XIAP: variants seen among roughly 807,000 people sequenced by gnomAD.
The protein encoded by XIAP is E3 ubiquitin-protein ligase XIAP.
Under a neutral mutation model 33.1 loss-of-function variants are expected in XIAP, and 3 were observed. The observed-to-expected ratio is 0.09, with a 90% CI of 0.04 to 0.23. XIAP has a LOEUF of 0.23. XIAP is among the 10% of genes least tolerant of loss of function. The probability of loss-of-function intolerance (pLI) is 1.00; values close to 1 mark genes in which losing one functional copy is unlikely to be tolerated. For synonymous variants in XIAP, 98 were observed against 121.3 expected (o/e 0.81, Z 1.26); for missense variants, 264 against 363.0 (o/e 0.73, Z 2.22).
chrX:123,885,410 A>C (rs1477290363), intron 1 of XIAP, among the ~76,000 whole-genome samples: 1 of 112,280 alleles, frequency 8.9e-6, no homozygotes, highest in Non-Finnish European at 1.9e-5. Flanking sequence ...TGCCTGCTTA[A>C]ATATTACTTT....
chrX:123,868,385 A>C (rs914888709), intron 1 of XIAP, among the ~76,000 whole-genome samples: 2 of 110,885 alleles, frequency 1.8e-5, no homozygotes, highest in African/African-American at 6.6e-5. Context: ...ACCCATTATA[A>C]TAGTTTTTAA....
In XIAP at chrX:123,885,866, A is replaced by G. The variant is rs1373121118; in HGVS notation, c.204A>G (p.Ala68=). 1 of 1,210,433 alleles carries G rather than the reference A, an allele frequency of 8.3e-7. No individual in the cohort carries two copies. The highest frequency in any genetic ancestry group is 1.7e-5 in the African/African-American group (1 of 57,347). ...GDTVRCFSCH[A]AVDRWQYGDS... is the part of the protein sequence containing the mutation. Reference sequence around the variant, plus strand: ...CCGTGCGGTGCTTTAGTTGTCATGCAGCTGTAGATAGATGGCAATATGGAG... The same window carrying G: ...CCGTGCGGTGCTTTAGTTGTCATGCGGCTGTAGATAGATGGCAATATGGAG... The change falls in exon 2 of 7, where the codon GCA becomes GCG. Residue 68 remains alanine, a synonymous_variant. Coordinates refer to ENST00000371199, the MANE Select transcript of XIAP (RefSeq NM_001167.4).
intron 1 of XIAP, among the ~76,000 whole-genome samples, chrX:123,866,959 T>A (rs1255500719): frequency 9.8e-6 from 1 of 101,644 alleles, no homozygotes; most frequent in Non-Finnish European, 2.0e-5. Context: ...CCACCGTGCC[T>A]GGCCAGAGAT....
chrX:123,874,150 G>A (rs2053220757), intron 1 of XIAP, among the ~76,000 whole-genome samples: 1 of 111,816 alleles, frequency 8.9e-6, no homozygotes, highest in Admixed American at 9.6e-5. Flanking sequence ...CACAGAGGGA[G>A]GAAGCATTGT....
intron 1 of XIAP, among the ~76,000 whole-genome samples, chrX:123,881,683 A>G (rs1226022538): frequency 9.0e-6 from 1 of 110,843 alleles, no homozygotes; most frequent in Non-Finnish European, 1.9e-5. Context: ...TTTATCTAAT[A>G]TTTTCTGAAA....
At chrX:123,902,228 C>CTT (rs1236583790) in intron 6 of XIAP, among the ~76,000 whole-genome samples, 1 of 111,446 alleles carries the variant, frequency 9.0e-6, no homozygotes, top group Non-Finnish European at 1.9e-5. Context: ...GGGAGAGTGT[C>CTT]TTTTCTCTAT....
At chrX:123,884,330 C>A (rs774091941) in intron 1 of XIAP, among the ~76,000 whole-genome samples, 1 of 110,380 alleles carries the variant, frequency 9.1e-6, no homozygotes, top group Non-Finnish European at 1.9e-5. Context: ...CTAAAAAATA[C>A]AAAATTAGCC....
intron 6 of XIAP, among the ~76,000 whole-genome samples, chrX:123,904,150 A>G (rs1021148578): frequency 9.1e-6 from 1 of 110,151 alleles, no homozygotes; most frequent in African/African-American, 3.3e-5. Flanking sequence ...TTGCTCAGGC[A>G]GGTCTCGAAC....
Position 123,886,218 on chromosome X carries a change from A to T in XIAP, c.556A>T (p.Ser186Cys). 1 of 1,212,096 alleles carries T rather than the reference A, an allele frequency of 8.3e-7. No individual in the cohort carries two copies. The highest frequency in any genetic ancestry group is 1.1e-6 in the Non-Finnish European group (1 of 895,588). The change falls in exon 2 of 7, where the codon AGT becomes TGT. Residue 186 changes from serine (S) to cysteine (C), a missense_variant. By Grantham distance (112) the Ser-to-Cys change is moderately radical. Coordinates refer to ENST00000371199, the MANE Select transcript of XIAP (RefSeq NM_001167.4). ...TCACCTAACCCCAAGAGAGTTAGCA[A>T]GTGCTGGACTCTACTACACAGGTAT... ...YAHLTPRELA[S>C]AGLYYTGIGD...
chrX:123,875,317 G>A (rs570763666), intron 1 of XIAP, among the ~76,000 whole-genome samples: 5 of 110,968 alleles, frequency 4.5e-5, no homozygotes, highest in South Asian at 7.6e-4. Flanking sequence ...CACCGCGCCC[G>A]GCCTGATCAG....
chrX:123,885,139 C>A lies in XIAP; in HGVS notation c.-32-492C>A, dbSNP rs970933659. ...ATTGGAACCAATATTATGATTAAAA[C>A]ATATTTTGCTAAGCAAAGAGATATT... is the stretch of plus-strand genomic sequence containing the variant. On this transcript the variant is annotated intron_variant, in intron 1 of 6. Transcript: ENST00000371199. Among the ~76,000 whole-genome samples, 6 of 111,286 alleles carry A rather than the reference C, an allele frequency of 5.4e-5. No individual in the cohort carries two copies. The South Asian group carries it at 1.8e-3, about 34-fold the overall frequency.
At chrX:123,904,688 A>G (rs1250899752) in intron 6 of XIAP, among the ~76,000 whole-genome samples, 1 of 112,216 alleles carries the variant, frequency 8.9e-6, no homozygotes, top group Non-Finnish European at 1.9e-5. Flanking sequence ...GTGGCACACA[A>G]TCTCAGCTCA....
At chrX:123,860,401 G>A (rs991018044) in intron 1 of XIAP, 108 bp downstream of exon 1, 1 of 296,978 alleles carries the variant, frequency 3.4e-6, no homozygotes, top group African/African-American at 2.7e-5. Flanking sequence ...CGCTGCTGGG[G>A]AGGGCGGGAA....
chrX:123,883,953 G>A (rs907440546), intron 1 of XIAP, among the ~76,000 whole-genome samples: 1 of 111,811 alleles, frequency 8.9e-6, no homozygotes, highest in African/African-American at 3.2e-5. Flanking sequence ...AATGTTTTCA[G>A]ACATATAGGA....
rs1330817809 is a variant in XIAP at position 123,866,514 on chromosome X, T to TGA, written c.-33+6221_-33+6222insGA. Among the ~76,000 whole-genome samples, 72 of 92,519 alleles carry TGA rather than the reference T, an allele frequency of 7.8e-4. 1 individual carries two copies. The highest frequency in any genetic ancestry group is 5.1e-3 in the South Asian group (12 of 2,364). 80.3% of individuals were successfully genotyped at this position (92,519 alleles called of 115,157 possible). A position where few individuals can be genotyped will look rare whatever the true frequency, so the allele number is the denominator to read the frequency against. ...TGATTAATATATAATATATGATATA[T>TGA]CATATATAATATCAAAATATATAAT... On this transcript the variant is annotated intron_variant, in intron 1 of 6. Transcript: ENST00000371199.
chrX:123,877,635 G>A (rs1015278506), intron 1 of XIAP, among the ~76,000 whole-genome samples: 2 of 111,580 alleles, frequency 1.8e-5, no homozygotes, highest in African/African-American at 6.5e-5. Flanking sequence ...AAGAACTGAG[G>A]TCCTCCAGTA....
intron 1 of XIAP, among the ~76,000 whole-genome samples, chrX:123,862,017 A>G (rs924152238): frequency 8.9e-6 from 1 of 112,279 alleles, no homozygotes; most frequent in Non-Finnish European, 1.9e-5. Context: ...GTGGTAGCAC[A>G]TATACTAAAA....
At chrX:123,899,199 GATTGTGTATATATATATGATTT>G (rs1569479184) in intron 5 of XIAP, among the ~76,000 whole-genome samples, 9 of 37,696 alleles carry the variant, frequency 2.4e-4, no homozygotes, top group African/African-American at 8.6e-4. Flanking sequence ...ATATATATAT[GATTGTGTATATATATATGATTT>G]TGTATATATA....
chrX:123,906,597 G>T (rs1208579998), intron 6 of XIAP, among the ~76,000 whole-genome samples: 1 of 111,306 alleles, frequency 9.0e-6, no homozygotes, highest in Non-Finnish European at 1.9e-5. Context: ...CCTAACCCTT[G>T]TTTTTCTGCC....
Sources: gnomAD v4.1 joint callset for allele counts (sites outside exome capture counted in the v4.1 genomes callset) on GRCh38, gnomAD v4.1.1 for gene constraint, MANE v1.5 for transcripts, NCBI Gene and HGNC (gene_info 2026-07-23, HGNC 2026-07-21) for gene names.